PHACTR3: variants seen among roughly 807,000 people sequenced by gnomAD.
The protein encoded by PHACTR3 is protein phosphatase 1, regulatory subunit 123.
In PHACTR3, 16 loss-of-function variants were observed where a neutral mutation model predicts 66.8. That is an observed-to-expected ratio of 0.24 (90% CI 0.16 to 0.36). The LOEUF (loss-of-function observed/expected upper bound fraction) is 0.36. Ranked by LOEUF, PHACTR3 falls within the 10% of genes least tolerant of loss-of-function variation. The probability of loss-of-function intolerance (pLI) is 1.00; values close to 1 mark genes in which losing one functional copy is unlikely to be tolerated. For missense variants in PHACTR3, 647 were observed against 719.9 expected (o/e 0.90, Z 1.16); for synonymous variants, 323 against 292.1 (o/e 1.11, Z -1.08).
Position 59,736,328 on chromosome 20 carries a change from C to T in PHACTR3, c.119-6779C>T, listed in dbSNP as rs1209400240. 6.6e-6 allele frequency among the ~76,000 whole-genome samples: 1 copy of T among 151,990 alleles called. No homozygotes were observed. The highest frequency in any genetic ancestry group is 2.4e-5 in the African/African-American group (1 of 41,308). ...GTGTTTGCACCTTCCAGAGTCTCTC[C>T]AGTGTGAGAAGGCAGTTCCTCAGGA... is the stretch of plus-strand genomic sequence containing the variant. On this transcript the variant is annotated intron_variant, in intron 1 of 12. Coordinates refer to ENST00000371015, the MANE Select transcript of PHACTR3 (RefSeq NM_080672.5). This position sits in a 1 kb window ranked among gnomAD's most constrained non-coding sequence, Gnocchi z 4.6.
intron 1 of PHACTR3, among the ~76,000 whole-genome samples, chr20:59,606,800 A>C (rs1383476595): frequency 6.6e-6 from 1 of 152,132 alleles, no homozygotes; most frequent in African/African-American, 2.4e-5. Context: ...AAGGGCTGGG[A>C]TGCCTGTGAT....
intron 7 of PHACTR3, among the ~76,000 whole-genome samples, chr20:59,786,962 T>C (rs2040937423): frequency 6.6e-6 from 1 of 152,180 alleles, no homozygotes; most frequent in Non-Finnish European, 1.5e-5. Flanking sequence ...GCAGGACTTT[T>C]GCAATCCAAC....
chr20:59,603,154 C>T (rs1182968116), upstream of PHACTR3, among the ~76,000 whole-genome samples: 1 of 152,192 alleles, frequency 6.6e-6, no homozygotes, highest in Non-Finnish European at 1.5e-5. Context: ...CTCTTTGTTT[C>T]CTGATCTTAA....
chr20:59,612,010 A>G (rs1243757750), intron 1 of PHACTR3, among the ~76,000 whole-genome samples: 2 of 152,142 alleles, frequency 1.3e-5, no homozygotes, highest in Non-Finnish European at 2.9e-5. Flanking sequence ...GTCCTGTCGC[A>G]TGGCCAAAGC....
intron 1 of PHACTR3, among the ~76,000 whole-genome samples, chr20:59,734,768 C>T (rs951508402): frequency 3.3e-5 from 5 of 152,100 alleles, no homozygotes; most frequent in African/African-American, 1.2e-4. Context: ...AAATGACTCC[C>T]CATTCCCCAA....
chr20:59,793,406 C>A (rs1285723764), intron 7 of PHACTR3, among the ~76,000 whole-genome samples: 2 of 152,182 alleles, frequency 1.3e-5, no homozygotes, highest in Non-Finnish European at 2.9e-5. Context: ...GTTTATTCTT[C>A]CCAGCCATGG....
intron 1 of PHACTR3, among the ~76,000 whole-genome samples, chr20:59,652,662 T>G (rs187973824): frequency 4.6e-5 from 7 of 152,352 alleles, no homozygotes; most frequent in African/African-American, 1.7e-4. Context: ...TTTATTGACA[T>G]TATCTGTCAT....
intron 8 of PHACTR3, among the ~76,000 whole-genome samples, chr20:59,826,979 T>G (rs1178499623): frequency 6.6e-6 from 1 of 152,168 alleles, no homozygotes; most frequent in African/African-American, 2.4e-5. Flanking sequence ...TCCCTCTCCC[T>G]GCTCCCCTCC....
At chr20:59,648,697 G>GCAA (rs1274174630) in intron 1 of PHACTR3, among the ~76,000 whole-genome samples, 1 of 152,192 alleles carries the variant, frequency 6.6e-6, no homozygotes, top group Admixed American at 6.5e-5. Flanking sequence ...CCTCTGCTCA[G>GCAA]CAACATCCAT....
intron 7 of PHACTR3, 105 bp downstream of exon 7, chr20:59,774,595 G>A: frequency 2.1e-6 from 3 of 1,444,230 alleles, no homozygotes; most frequent in Non-Finnish European, 2.8e-6. Flanking sequence ...CAGGTCGAGG[G>A]GCTGCACCTG....
chr20:59,722,745 C>T (rs1210479204), intron 1 of PHACTR3, among the ~76,000 whole-genome samples: 2 of 151,964 alleles, frequency 1.3e-5, no homozygotes, highest in Non-Finnish European at 1.5e-5. Flanking sequence ...GAGGGGCAGC[C>T]ATGGCGGAAG....
chr20:59,690,775 TG>T (rs1350677956), intron 1 of PHACTR3, among the ~76,000 whole-genome samples: 2 of 152,184 alleles, frequency 1.3e-5, no homozygotes, highest in Non-Finnish European at 2.9e-5. Flanking sequence ...TTTCCTTTCC[TG>T]GGAGGTCTCT....
intron 1 of PHACTR3, among the ~76,000 whole-genome samples, chr20:59,700,980 C>T (rs548091376): frequency 4.6e-5 from 7 of 151,414 alleles, no homozygotes; most frequent in African/African-American, 1.2e-4. Context: ...TTTTTGGCGA[C>T]GGGGTCTCAC....
rs554011176 is a variant in PHACTR3, at chr20:59,664,561, C to G, written c.118+59429C>G. 2.6e-5 allele frequency among the ~76,000 whole-genome samples: 4 copies of G among 152,300 alleles called. No homozygotes were observed. In the South Asian group the frequency reaches 8.3e-4, roughly 32 times the overall value. ...CTCCCCATTGGACCACAGCCTTGAC[C>G]TTCTCCTACACCTCCCTTCCCAACT... On this transcript the variant is annotated intron_variant, in intron 1 of 12. Coordinates refer to ENST00000371015, the MANE Select transcript of PHACTR3 (RefSeq NM_080672.5).
chr20:59,703,249 T>C (rs2037572770), intron 1 of PHACTR3, among the ~76,000 whole-genome samples: 1 of 152,238 alleles, frequency 6.6e-6, no homozygotes, highest in South Asian at 2.1e-4. Flanking sequence ...TTTAAAGGTA[T>C]TTTTATGAGG....
chr20:59,632,196 C>T (rs1015530815), intron 1 of PHACTR3, among the ~76,000 whole-genome samples: 36 of 152,262 alleles, frequency 2.4e-4, no homozygotes, highest in African/African-American at 7.7e-4. Flanking sequence ...TGCTCACATC[C>T]TGGGATGTGC....
At position 59,737,300 on chromosome 20, in the gene PHACTR3, C is replaced by T. The variant is rs62203953; in HGVS notation, c.119-5807C>T. The stretch of plus-strand genomic sequence containing the variant: ...AGGCCCTGGGTCCTGTCCTTCCTCG[C>T]GTCTGTGGGGATCCTGGTTCAGGGC... On this transcript the variant is annotated intron_variant, in intron 1 of 12. Coordinates refer to ENST00000371015, the MANE Select transcript of PHACTR3 (RefSeq NM_080672.5). Among the ~76,000 whole-genome samples the T allele has an allele frequency of 1.6e-3, 241 of 152,238 alleles. 1 individual carries two copies. The highest frequency in any genetic ancestry group is 5.3e-3 in the African/African-American group (220 of 41,568).
chr20:59,771,280 G>A (rs1977441), intron 5 of PHACTR3, among the ~76,000 whole-genome samples: 10,141 of 152,184 alleles, frequency 0.067, 776 homozygotes, highest in East Asian at 0.37. Flanking sequence ...GAGGGGCTGG[G>A]GGATGCTGCG....
At position 59,832,610 on chromosome 20, in the gene PHACTR3, G is replaced by A. The variant is rs933286558; in HGVS notation, c.1329-3895G>A. Among the ~76,000 whole-genome samples, 17 of 152,102 alleles carry A rather than the reference G, an allele frequency of 1.1e-4. 1 individual carries two copies. Among genetic ancestry groups the A allele is most frequent in the Admixed American group, 6.5e-4 (10 of 15,284 alleles). ...GCAAATGCAAATCTAGTCCTGGCAC[G>A]CCCACACCCCATCTCACCCAGGTCT... On this transcript the variant is annotated intron_variant, in intron 8 of 12. Transcript: ENST00000371015.
Sources: gnomAD v4.1 joint callset for allele counts (sites outside exome capture counted in the v4.1 genomes callset) on GRCh38, gnomAD v4.1.1 for gene constraint, Gnocchi (gnomAD v3.1) non-coding constraint, MANE v1.5 for transcripts, NCBI Gene and HGNC (gene_info 2026-07-23, HGNC 2026-07-21) for gene names.